Variants in KIF24 observed in about 807,000 individuals in gnomAD.
The protein encoded by KIF24 is kinesin family member 24.
Under a neutral mutation model 118.9 loss-of-function variants are expected in KIF24, and 81 were observed. That is an observed-to-expected ratio of 0.68 (90% CI 0.57 to 0.82). KIF24 has a LOEUF of 0.82. Ranked by LOEUF, KIF24 falls within the 40% of genes least tolerant of loss-of-function variation. The pLI is 0.00. For missense variants in KIF24, 1,560 were observed against 1,661.6 expected (o/e 0.94, Z 1.06); for synonymous variants, 599 against 610.0 (o/e 0.98, Z 0.27).
intron 6 of KIF24, among the ~76,000 whole-genome samples, chr9:34,275,560 G>T (rs969065663): frequency 1.3e-5 from 2 of 152,060 alleles, no homozygotes; most frequent in Non-Finnish European, 2.9e-5. Context: ...GAATAACTGG[G>T]CCAGGCACAG....
chr9:34,322,786 G>A lies in KIF24; in HGVS notation c.-26+6320C>T, dbSNP rs536094158. ...GCGGGGTACTGCTTGAGCCTGGGAGGCGGAGGTTGCAGTGAGCCAAGATTG... is the reference window on the plus strand; with the variant it reads ...GCGGGGTACTGCTTGAGCCTGGGAGACGGAGGTTGCAGTGAGCCAAGATTG... On this transcript the variant is annotated intron_variant, in intron 1 of 12. Transcript: ENST00000402558. Among the ~76,000 whole-genome samples, 5 of 152,150 alleles carry A rather than the reference G, an allele frequency of 3.3e-5. No homozygotes were observed. In the South Asian group the frequency reaches 1.0e-3, roughly 32 times the overall value.
rs984649440 is a variant in KIF24, at chr9:34,318,178, T to C, written c.-25-6807A>G. ...CATGAATAATGCAGCCTGGGCAACA[T>C]AGTGAGACCCCGCCCCTAAAAAAAA... is the stretch of plus-strand genomic sequence containing the variant. On this transcript the variant is annotated intron_variant, in intron 1 of 12. Transcript: ENST00000402558. This position sits in a 1 kb window ranked among gnomAD's most constrained non-coding sequence, Gnocchi z 4.9. Among the ~76,000 whole-genome samples, 5 of 148,790 alleles carry C rather than the reference T, an allele frequency of 3.4e-5. No individual in the cohort carries two copies. Among genetic ancestry groups the C allele is most frequent in the African/African-American group, 1.2e-4 (5 of 40,764 alleles).
chr9:34,280,152 C>T (rs553114171), intron 6 of KIF24, among the ~76,000 whole-genome samples: 91 of 150,610 alleles, frequency 6.0e-4, no homozygotes, highest in Admixed American at 8.6e-4. Context: ...GGCGTAGTGG[C>T]GGGCGCCTGT....
chr9:34,265,418 C>T (rs1835250416), intron 8 of KIF24, among the ~76,000 whole-genome samples: 1 of 152,222 alleles, frequency 6.6e-6, no homozygotes, highest in African/African-American at 2.4e-5. Context: ...GATCCTCCTT[C>T]CTTGGCCTCC....
chr9:34,283,660 AC>A (rs1194928149), intron 6 of KIF24, among the ~76,000 whole-genome samples: 6 of 152,168 alleles, frequency 3.9e-5, no homozygotes, highest in Non-Finnish European at 7.4e-5. Flanking sequence ...GATACAAATA[AC>A]CAACAAGACT....
intron 3 of KIF24, among the ~76,000 whole-genome samples, chr9:34,305,841 A>G (rs1463087442): frequency 6.6e-6 from 1 of 152,152 alleles, no homozygotes; most frequent in East Asian, 1.9e-4. Flanking sequence ...CTTGGGCTCA[A>G]GTGATCCTCC....
intron 1 of KIF24, among the ~76,000 whole-genome samples, chr9:34,323,501 C>T (rs1157795447): frequency 1.3e-5 from 2 of 152,138 alleles, no homozygotes; most frequent in African/African-American, 2.4e-5. Flanking sequence ...CAGGTGGTAA[C>T]CAATGTTGGG....
In KIF24 at chr9:34,310,767, G is replaced by A. The variant is rs752098576; in HGVS notation, c.580C>T (p.His194Tyr). 1.9e-6 allele frequency: 3 copies of A among 1,610,700 alleles called. No homozygotes were observed. Among genetic ancestry groups the A allele is most frequent in the Non-Finnish European group, 2.5e-6 (3 of 1,177,592 alleles). The change falls in exon 2 of 13, where the codon CAT (histidine) becomes TAT (tyrosine). Residue 194 changes from histidine to tyrosine, a missense_variant. This residue lies in a region of KIF24 where 964 missense variants were observed against 988.0 expected (regional missense o/e 0.98). Coordinates refer to ENST00000402558, the MANE Select transcript of KIF24 (RefSeq NM_194313.4). ...ATTCCATAGTTATACCCTGAAACAT[G>A]AGAGATTCTTTGAATAATGGGAATA... The part of the protein sequence containing the change: ...CDIPIIQRIS[H>Y]VSGYNYGIPH...
At chr9:34,281,448 T>C (rs1328789446) in intron 6 of KIF24, among the ~76,000 whole-genome samples, 3 of 152,232 alleles carry the variant, frequency 2.0e-5, no homozygotes, top group South Asian at 2.1e-4. Context: ...CTGTTAGCTA[T>C]GTGATTCTGG....
At chr9:34,330,016 A>G (rs1204456382), upstream of KIF24, among the ~76,000 whole-genome samples, 1 of 152,242 alleles carries the variant, frequency 6.6e-6, no homozygotes, top group Non-Finnish European at 1.5e-5. Context: ...TGCTTCAGTT[A>G]TTGAATGGAT....
intron 6 of KIF24, among the ~76,000 whole-genome samples, chr9:34,277,201 A>G (rs1835688147): frequency 6.6e-6 from 1 of 152,184 alleles, no homozygotes; most frequent in Non-Finnish European, 1.5e-5. Context: ...AGAGTTTTAG[A>G]TTTCTTACAG....
At chr9:34,264,416 C>A (rs141635831) in intron 8 of KIF24, among the ~76,000 whole-genome samples, 1,698 of 148,340 alleles carry the variant, frequency 0.011, 37 homozygotes, top group African/African-American at 0.04. Context: ...GGTGACAGAG[C>A]GAGACTCCGT....
Position 34,297,652 on chromosome 9 carries a change from C to T in KIF24, c.814-538G>A, listed in dbSNP as rs564659550. Among the ~76,000 whole-genome samples, 14 of 151,998 alleles carry T rather than the reference C, an allele frequency of 9.2e-5. No individual in the cohort carries two copies. In the South Asian group the frequency reaches 2.9e-3, roughly 32 times the overall value. ...TGGTGGGCACTTGTAATCCCAGCTA[C>T]TCGGGAGGCTGAGGCAGGAGAATGG... On this transcript the variant is annotated intron_variant, in intron 3 of 12. Transcript: ENST00000402558.
At chr9:34,331,934 G>A (rs1422435024), upstream of KIF24, among the ~76,000 whole-genome samples, 1 of 152,080 alleles carries the variant, frequency 6.6e-6, no homozygotes, top group Non-Finnish European at 1.5e-5. Flanking sequence ...TATCACTATT[G>A]TCCATTTTAC....
At chr9:34,290,491 G>C (rs1046190109) in intron 4 of KIF24, 102 bp from the exon 5 acceptor site, 1 of 701,082 alleles carries the variant, frequency 1.4e-6, no homozygotes, top group East Asian at 2.7e-5. Flanking sequence ...TAGAATCTTA[G>C]AGAAAATTCA....
At chr9:34,321,765 CCTGA>C (rs1368381621) in intron 1 of KIF24, among the ~76,000 whole-genome samples, 2 of 151,946 alleles carry the variant, frequency 1.3e-5, no homozygotes, top group Non-Finnish European at 2.9e-5. Context: ...TGCCACCAAA[CCTGA>C]CTAATTTTTT....
intron 1 of KIF24, among the ~76,000 whole-genome samples, chr9:34,328,606 C>T (rs1253569053): frequency 6.6e-6 from 1 of 152,198 alleles, no homozygotes; most frequent in Non-Finnish European, 1.5e-5. Context: ...GACAACAAGG[C>T]AGGGCATGAA....
chr9:34,310,765 A>G lies in KIF24; in HGVS notation c.582T>C (p.His194=). ...GGATTCCATAGTTATACCCTGAAAC[A>G]TGAGAGATTCTTTGAATAATGGGAA... The part of the protein sequence containing the change: ...CDIPIIQRIS[H]VSGYNYGIPH... Residue 194 remains histidine, a synonymous_variant, in exon 2 of 13, where the codon CAT becomes CAC. Transcript: ENST00000402558. 6.2e-7 allele frequency: 1 copy of G among 1,610,888 alleles called. No homozygotes were observed. The highest frequency in any genetic ancestry group is 1.3e-5 in the African/African-American group (1 of 74,974).
chr9:34,310,749 A>G lies in KIF24; in HGVS notation c.598T>C (p.Tyr200His). 6.3e-7 allele frequency: 1 copy of G among 1,598,676 alleles called. No homozygotes were observed. The highest frequency in any genetic ancestry group is 1.1e-5 in the South Asian group (1 of 88,380). ...QRISHVSGYN[Y>H]GIPHSCIRQN... ...CTGATACAAGAATGAGGGATTCCAT[A>G]GTTATACCCTGAAACATGAGAGATT... is the stretch of plus-strand genomic sequence containing the variant. Residue 200 changes from tyrosine to histidine, a missense_variant, in exon 2 of 13, where the codon TAT (tyrosine) becomes CAT (histidine). By Grantham distance (83) the Tyr-to-His change is moderately conservative. Around this residue, in one of 3 missense-constraint regions of KIF24, gnomAD observed 964 missense variants for 988.0 expected, o/e 0.98. Coordinates refer to ENST00000402558, the MANE Select transcript of KIF24 (RefSeq NM_194313.4).
Sources: allele counts gnomAD v4.1 joint callset (sites outside exome capture counted in the v4.1 genomes callset), GRCh38; gene constraint gnomAD v4.1.1; regional missense constraint gnomAD v4.1.1; non-coding constraint Gnocchi (gnomAD v3.1); transcripts MANE v1.5; gene names NCBI Gene and HGNC (gene_info 2026-07-23, HGNC 2026-07-21).